ZNF584: variants seen among roughly 807,000 people sequenced by gnomAD.
ZNF584 encodes zinc finger protein 584.
ZNF584 carries 12 observed loss-of-function variants against 14.7 expected under a neutral mutation model. The observed-to-expected ratio is 0.82, with a 90% CI of 0.52 to 1.32. The LOEUF (loss-of-function observed/expected upper bound fraction) is 1.32, where lower values mean the gene tolerates loss of function less well. ZNF584 is among the 40% of genes most tolerant of loss of function. ZNF584 has a pLI of 0.00. For missense variants in ZNF584, 478 were observed against 518.8 expected (o/e 0.92, Z 0.76); for synonymous variants, 204 against 190.9 (o/e 1.07, Z -0.57).
chr19:58,403,952 C>G (rs1052060177), upstream of ZNF584, among the ~76,000 whole-genome samples: 11 of 134,788 alleles, frequency 8.2e-5, no homozygotes, highest in Admixed American at 2.2e-4. Flanking sequence ...CAGAGCAACT[C>G]CGTCTCAAAA....
chr19:58,412,217 TTTTGAGA>T lies in ZNF584; in HGVS notation c.169+2127_169+2133del, dbSNP rs1161712124. Among the ~76,000 whole-genome samples the T allele has an allele frequency of 2.2e-5, 3 of 136,640 alleles. 1 individual carries two copies. Among genetic ancestry groups the T allele is most frequent in the African/African-American group, 9.5e-5 (3 of 31,508 alleles). 89.6% of individuals were successfully genotyped at this position (136,640 alleles called of 152,430 possible). On this transcript the variant is annotated intron_variant, in intron 2 of 3. Transcript: ENST00000306910. The stretch of plus-strand genomic sequence containing the variant: ...GGGTGGTCTTTTTTTTTTTTTTTTT[TTTTGAGA>T]CGGAGTCTCGCTCTGTCGCCCAGGC...
chr19:58,411,119 C>G (rs1419349472), intron 2 of ZNF584, among the ~76,000 whole-genome samples: 1 of 151,492 alleles, frequency 6.6e-6, no homozygotes, highest in Non-Finnish European at 1.5e-5. Flanking sequence ...TAAATTTATT[C>G]CTAAGTACTT....
At chr19:58,409,393 C>G (rs115508531) in intron 1 of ZNF584, among the ~76,000 whole-genome samples, 1 of 152,266 alleles carries the variant, frequency 6.6e-6, no homozygotes, top group African/African-American at 2.4e-5. Context: ...GACGCATGTG[C>G]AGAACGGCGT....
chr19:58,401,719 C>A lies in ZNF584; in HGVS notation n.92+57C>A, dbSNP rs527254668. ...AGCGCCCTCACGCGTTTTGTCCCCA[C>A]GCCACGCCGGGGACGAGTCTGTGGC... On this transcript the variant is annotated intron_variant and non_coding_transcript_variant, in intron 1 of 3. Transcript: ENST00000594993. The A allele has an allele frequency of 6.3e-5, 9 of 142,996 alleles. No homozygotes were observed. The South Asian group carries it at 1.6e-3, about 25-fold the overall frequency. 8.9% of individuals were successfully genotyped at this position (142,996 alleles called of 1,614,324 possible). A position where few individuals can be genotyped will look rare whatever the true frequency, so the allele number is the denominator to read the frequency against.
chr19:58,403,219 C>A (rs1270070912), intron 1 of ZNF584, among the ~76,000 whole-genome samples: 1 of 152,198 alleles, frequency 6.6e-6, no homozygotes, highest in Non-Finnish European at 1.5e-5. Flanking sequence ...GCGAAAACCA[C>A]ACAAATTATT....
rs780962399 is a variant in ZNF584 at position 58,415,496 on chromosome 19, T to C, written c.170-28T>C. ...CAGGCATCAGCCACCATGCCCAGCC[T>C]GTTTCTTTTACTACCTGTCACCCGC... is the stretch of plus-strand genomic sequence containing the variant. On this transcript the variant is annotated intron_variant, in intron 2 of 3. Transcript: ENST00000306910. The C allele has an allele frequency of 5.6e-6, 9 of 1,601,234 alleles. 1 individual carries two copies. The South Asian group carries it at 7.8e-5, about 14-fold the overall frequency.
At position 58,417,700 on chromosome 19, in the gene ZNF584, T is replaced by C. The variant is rs1270492880; in HGVS notation, c.1182T>C (p.Ser394=). 1 of 1,614,148 alleles carries C rather than the reference T, an allele frequency of 6.2e-7. No homozygotes were observed. The highest frequency in any genetic ancestry group is 1.1e-5 in the South Asian group (1 of 91,086). The stretch of plus-strand genomic sequence containing the variant: ...AGTGTGGGAAGGCCTTCAAACATAG[T>C]TCCACCCTCCTTCAGCACAAGAAAG... The part of the protein sequence containing the change: ...CTECGKAFKH[S]STLLQHKKVH... The change falls in exon 4 of 4, where the codon AGT becomes AGC. Residue 394 remains serine (S), a synonymous_variant. Coordinates refer to ENST00000306910, the MANE Select transcript of ZNF584 (RefSeq NM_173548.3).
chr19:58,410,188 T>G, intron 2 of ZNF584, 97 bp downstream of exon 2: 9 of 1,428,710 alleles, frequency 6.3e-6, no homozygotes, highest in Non-Finnish European at 8.4e-6. Flanking sequence ...GGGGGCTCTT[T>G]CCTTCCCAGA....
upstream of ZNF584, among the ~76,000 whole-genome samples, chr19:58,403,830 G>T (rs2052446022): frequency 6.6e-6 from 1 of 151,854 alleles, no homozygotes. Context: ...TTAGCCGGGT[G>T]TGGTGGCACG....
rs780898090 is a variant in ZNF584 at position 58,417,361 on chromosome 19, T to C, written c.843T>C (p.Val281=). Residue 281 remains valine, a synonymous_variant, in exon 4 of 4, where the codon GTT becomes GTC. Coordinates refer to ENST00000306910, the MANE Select transcript of ZNF584 (RefSeq NM_173548.3). ...GCAAATGTGGTAAAACCTTCAGTGT[T>C]CTGTCTACCCTCATTCGGCACCGGA... is the stretch of plus-strand genomic sequence containing the variant. The part of the protein sequence containing the change: ...ECSKCGKTFS[V]LSTLIRHRKV... 1 of 1,613,968 alleles carries C rather than the reference T, an allele frequency of 6.2e-7. No individual in the cohort carries two copies. The highest frequency in any genetic ancestry group is 8.5e-7 in the Non-Finnish European group (1 of 1,179,952).
intron 3 of ZNF584, 57 bp downstream of exon 3, chr19:58,415,703 G>A (rs2052633869): frequency 6.2e-7 from 1 of 1,608,922 alleles, no homozygotes; most frequent in Admixed American, 1.7e-5. Flanking sequence ...AGAATGCTGA[G>A]TACCTGCATA....
chr19:58,413,727 C>T (rs2052605386), intron 2 of ZNF584, among the ~76,000 whole-genome samples: 1 of 151,896 alleles, frequency 6.6e-6, no homozygotes, highest in Non-Finnish European at 1.5e-5. Context: ...TCTTGAACTC[C>T]AGACCACAGG....
chr19:58,415,269 C>T (rs375426466), intron 2 of ZNF584, among the ~76,000 whole-genome samples: 1 of 152,090 alleles, frequency 6.6e-6, no homozygotes, highest in Non-Finnish European at 1.5e-5. Context: ...GACTCACTGA[C>T]GCTTTGACCT....
At chr19:58,407,795 C>G (rs2122198134), upstream of ZNF584, among the ~76,000 whole-genome samples, 1 of 152,332 alleles carries the variant, frequency 6.6e-6, no homozygotes, top group Non-Finnish European at 1.5e-5. Context: ...GGAGGACACC[C>G]AGGAGCCCGG....
intron 2 of ZNF584, among the ~76,000 whole-genome samples, chr19:58,412,850 G>A (rs548492984): frequency 1.3e-5 from 2 of 152,266 alleles, no homozygotes; most frequent in South Asian, 4.1e-4. Flanking sequence ...TTTGTATTTA[G>A]ATTTTCTGTT....
intron 2 of ZNF584, among the ~76,000 whole-genome samples, chr19:58,411,184 T>G (rs62116437): frequency 0.21 from 31,571 of 152,008 alleles, 3,674 homozygotes; most frequent in Non-Finnish European, 0.27. Flanking sequence ...GATGCCCATT[T>G]CAGGTGAGGA....
chr19:58,415,984 G>T, intron 3 of ZNF584: 1 of 1,585,450 alleles, frequency 6.3e-7, no homozygotes, highest in Non-Finnish European at 8.5e-7. Context: ...TTAAACACCA[G>T]CTACTATTTT....
upstream of ZNF584, chr19:58,405,902 T>C (rs1447564359): frequency 3.3e-5 from 5 of 150,346 alleles, no homozygotes; most frequent in Non-Finnish European, 7.1e-5. Context: ...TCCCAGATGA[T>C]GGGCGGCCAG....
In ZNF584 at chr19:58,415,615, C is replaced by T; in HGVS notation, c.261C>T (p.Ser87=). 6.2e-7 allele frequency: 1 copy of T among 1,614,112 alleles called. No homozygotes were observed. Among genetic ancestry groups the T allele is most frequent in the African/African-American group, 1.3e-5 (1 of 75,046 alleles). ...VPSWVDVTPV[S]RAEARRGFGL... is the part of the protein sequence containing the mutation. ...GCTGGGTGGATGTGACTCCAGTCAG[C>T]AGAGCAGAAGCCAGGAGAGGTTTTG... The change falls in exon 3 of 4, where the codon AGC becomes AGT. Residue 87 remains serine (S), a synonymous_variant. Transcript: ENST00000306910.
Sources: allele counts gnomAD v4.1 joint callset (sites outside exome capture counted in the v4.1 genomes callset), GRCh38; gene constraint gnomAD v4.1.1; transcripts MANE v1.5; gene names NCBI Gene and HGNC (gene_info 2026-07-23, HGNC 2026-07-21).